ARID2: variants seen among roughly 807,000 people sequenced by gnomAD.
ARID2 encodes AT-rich interaction domain 2.
A neutral mutation model predicts 184.6 loss-of-function variants in ARID2; 32 were observed. That is an observed-to-expected ratio of 0.17 (90% confidence interval 0.13 to 0.23). The LOEUF is 0.23. ARID2 is among the 10% of genes least tolerant of loss of function. The pLI, the probability that ARID2 is intolerant of heterozygous loss-of-function variation, is 1.00. For synonymous variants in ARID2, 836 were observed against 772.6 expected (o/e 1.08, Z -1.36); for missense variants, 1,696 against 2,197.6 (o/e 0.77, Z 4.56).
intron 16 of ARID2, among the ~76,000 whole-genome samples, chr12:45,880,538 T>G (rs1414334312): frequency 6.6e-6 from 1 of 152,236 alleles, no homozygotes; most frequent in East Asian, 1.9e-4. Context: ...TTTGTTTATT[T>G]GTTGGGTGAC....
chr12:45,893,860 G>T, intron 20 of ARID2, 139 bp downstream of exon 20: 1 of 687,130 alleles, frequency 1.5e-6, no homozygotes, highest in Non-Finnish European at 2.2e-6. Flanking sequence ...TTTATGCCTA[G>T]GTCAGGCCAT....
rs775088285 is a variant in ARID2 at position 45,850,965 on chromosome 12, C to T, written c.2842C>T (p.Leu948Phe). ...TGCACCAGCCATTCACCAAATTGTT[C>T]TTGCTAATCCAGCAGCTCTTCCAGC... ...TYAPAIHQIV[L>F]ANPAALPAGQ... The change falls in exon 15 of 21, where the codon CTT becomes TTT. Residue 948 changes from leucine to phenylalanine, a missense_variant. Coordinates refer to ENST00000334344, the MANE Select transcript of ARID2 (RefSeq NM_152641.4). 5.6e-6 allele frequency: 9 copies of T among 1,614,202 alleles called. No homozygotes were observed. Among genetic ancestry groups the T allele is most frequent in the Non-Finnish European group, 7.6e-6 (9 of 1,180,026 alleles).
At chr12:45,748,079 C>T (rs920453099) in intron 3 of ARID2, among the ~76,000 whole-genome samples, 4 of 152,118 alleles carry the variant, frequency 2.6e-5, no homozygotes, top group Non-Finnish European at 4.4e-5. Flanking sequence ...TAACAATGTA[C>T]GGCCAGGTGT....
chr12:45,893,985 CA>C, intron 20 of ARID2: 1 of 256,552 alleles, frequency 3.9e-6, no homozygotes, highest in Non-Finnish European at 7.3e-6. Flanking sequence ...GAACAAAAAG[CA>C]GCTGTACTAA....
intron 3 of ARID2, among the ~76,000 whole-genome samples, chr12:45,735,418 C>CGTGT (rs56133410): frequency 0.098 from 13,789 of 141,234 alleles, 786 homozygotes; most frequent in Admixed American, 0.2. Context: ...TAAACTGTAT[C>CGTGT]GTGTGTGTGT....
At chr12:45,731,166 A>C in intron 2 of ARID2, 51 bp from the exon 3 acceptor site, 1 of 1,328,214 alleles carries the variant, frequency 7.5e-7, no homozygotes, top group Non-Finnish European at 1.1e-6. Flanking sequence ...AGTTAGGTTA[A>C]GATTTTCTTA....
In ARID2 at chr12:45,904,891, T is replaced by C; in HGVS notation, c.5364-43T>C. On this transcript the variant is annotated intron_variant, in intron 20 of 20. Coordinates refer to ENST00000334344, the MANE Select transcript of ARID2 (RefSeq NM_152641.4). Reference sequence around the variant, plus strand: ...AAAATTCATGATAAAGAGTCATCGCTGTGACCTTGGAGACTGACAATCTTC... The same window carrying C: ...AAAATTCATGATAAAGAGTCATCGCCGTGACCTTGGAGACTGACAATCTTC... 1.2e-6 allele frequency: 2 copies of C among 1,603,628 alleles called. 1 individual carries two copies. Among genetic ancestry groups the C allele is most frequent in the Middle Eastern group, 3.9e-4 (2 of 5,184 alleles).
chr12:45,887,351 T>C (rs1179558560), intron 16 of ARID2, among the ~76,000 whole-genome samples: 3 of 152,210 alleles, frequency 2.0e-5, no homozygotes, highest in Non-Finnish European at 2.9e-5. Context: ...TTGCCAGATA[T>C]TGATAAATTC....
chr12:45,750,414 A>G (rs952336545), intron 3 of ARID2, among the ~76,000 whole-genome samples: 7 of 152,228 alleles, frequency 4.6e-5, no homozygotes, highest in African/African-American at 1.4e-4. Context: ...AAAAGTTTGA[A>G]ATATTGGGAG....
chr12:45,803,868 A>G (rs973736891), intron 3 of ARID2, among the ~76,000 whole-genome samples: 2 of 152,198 alleles, frequency 1.3e-5, no homozygotes, highest in Non-Finnish European at 2.9e-5. Flanking sequence ...ACCTAGACAC[A>G]CGCAGACATT....
At chr12:45,892,227 GCAATGTGACCC>G in intron 18 of ARID2, 131 bp downstream of exon 18, 1 of 825,262 alleles carries the variant, frequency 1.2e-6, no homozygotes, top group East Asian at 2.7e-5. Flanking sequence ...CCATGAACCA[GCAATGTGACCC>G]TGTTCAAATT....
chr12:45,901,056 C>T (rs566974136), intron 20 of ARID2, among the ~76,000 whole-genome samples: 30 of 150,372 alleles, frequency 2.0e-4, no homozygotes, highest in Non-Finnish European at 3.7e-4. Flanking sequence ...AGATTTATAT[C>T]CTTCAGTAAT....
chr12:45,861,537 G>T (rs990386736), intron 16 of ARID2, among the ~76,000 whole-genome samples: 4 of 149,082 alleles, frequency 2.7e-5, no homozygotes, highest in African/African-American at 9.9e-5. Context: ...AAGACCTTTT[G>T]CCTTCAGTCA....
chr12:45,797,308 C>G (rs983449294), intron 3 of ARID2, among the ~76,000 whole-genome samples: 2 of 152,158 alleles, frequency 1.3e-5, no homozygotes, highest in Non-Finnish European at 2.9e-5. Flanking sequence ...GATCTCGGCT[C>G]ACTGCAACCT....
intron 20 of ARID2, among the ~76,000 whole-genome samples, chr12:45,897,111 C>T (rs1475376267): frequency 6.6e-6 from 1 of 151,994 alleles, no homozygotes; most frequent in Non-Finnish European, 1.5e-5. Context: ...AAGAGAGGGC[C>T]CAAAAAGTAA....
chr12:45,797,360 G>T (rs962694449), intron 3 of ARID2, among the ~76,000 whole-genome samples: 2 of 152,104 alleles, frequency 1.3e-5, no homozygotes, highest in Non-Finnish European at 2.9e-5. Flanking sequence ...TCAGCCTCCT[G>T]AGTAGCTGAG....
intron 3 of ARID2, among the ~76,000 whole-genome samples, chr12:45,739,438 CTTTTTTT>C (rs71067906): frequency 1.7e-4 from 15 of 90,754 alleles, no homozygotes; most frequent in African/African-American, 5.0e-4. Context: ...TATAAAGTTA[CTTTTTTT>C]TTTTTTTTTT....
chr12:45,765,824 G>A (rs1449187111), intron 3 of ARID2, among the ~76,000 whole-genome samples: 1 of 151,880 alleles, frequency 6.6e-6, no homozygotes, highest in East Asian at 1.9e-4. Flanking sequence ...GTCTTTTCTT[G>A]CCCCTTTTTA....
intron 16 of ARID2, among the ~76,000 whole-genome samples, chr12:45,864,416 T>C (rs760126735): frequency 6.6e-6 from 1 of 152,170 alleles, no homozygotes; most frequent in Non-Finnish European, 1.5e-5. Context: ...TGAATTGGAA[T>C]GTAAGGTTCA....
Sources: allele counts gnomAD v4.1 joint callset (sites outside exome capture counted in the v4.1 genomes callset), GRCh38; gene constraint gnomAD v4.1.1; transcripts MANE v1.5; gene names NCBI Gene and HGNC (gene_info 2026-07-23, HGNC 2026-07-21).